The following SEL1L variants were observed in gnomAD, a reference collection of about 807,000 sequenced individuals.
SEL1L encodes protein sel-1 homolog 1.
In SEL1L, 52 loss-of-function variants were observed where a neutral mutation model predicts 109.8. The observed-to-expected ratio is 0.47, with a 90% CI of 0.38 to 0.60. The LOEUF is 0.60. Among genes scored for constraint, SEL1L ranks in the 20% least tolerant of loss-of-function variants. The pLI is 0.00. For missense variants in SEL1L, 749 were observed against 962.2 expected (o/e 0.78, Z 2.93); for synonymous variants, 373 against 339.6 (o/e 1.10, Z -1.08).
chr14:81,504,134 T>C (rs1884130878), intron 5 of SEL1L, 67 bp downstream of exon 5: 1 of 920,088 alleles, frequency 1.1e-6, no homozygotes, highest in African/African-American at 1.7e-5. Context: ...TTTTAAAGAA[T>C]GTAGTTGCTA....
intron 3 of SEL1L, among the ~76,000 whole-genome samples, chr14:81,507,282 G>C (rs1884277622): frequency 6.6e-6 from 1 of 152,156 alleles, no homozygotes; most frequent in South Asian, 2.1e-4. Context: ...AAAAAGTAAG[G>C]CTGGATGCAA....
intron 20 of SEL1L, among the ~76,000 whole-genome samples, chr14:81,478,394 T>C (rs1269404062): frequency 6.6e-6 from 1 of 152,096 alleles, no homozygotes; most frequent in South Asian, 2.1e-4. Context: ...TTATGGGGCG[T>C]TTTTACTGTC....
Position 81,497,953 on chromosome 14 carries a change from A to G in SEL1L, c.1067T>C (p.Leu356Pro). The G allele has an allele frequency of 1.2e-6, 2 of 1,614,110 alleles. No homozygotes were observed. The highest frequency in any genetic ancestry group is 1.7e-6 in the Non-Finnish European group (2 of 1,179,956). The part of the protein sequence containing the change: ...VENPGMNSGM[L>P]EEDLIQYYQF... The stretch of plus-strand genomic sequence containing the variant: ...GTAATATTGAATCAAATCTTCTTCT[A>G]GCATTCCACTGTTCATTCCTGGATT... The change falls in exon 10 of 21, where the codon CTA (leucine) becomes CCA (proline). Residue 356 changes from leucine (L) to proline (P), a missense_variant. Physicochemically the swap from Leu to Pro is moderately conservative, Grantham distance 98 (BLOSUM62 -3). This residue lies in a region of SEL1L where 383 missense variants were observed against 562.5 expected (regional missense o/e 0.68). Transcript: ENST00000336735.
At chr14:81,482,581 G>C (rs2139986214) in intron 19 of SEL1L, among the ~76,000 whole-genome samples, 1 of 152,252 alleles carries the variant, frequency 6.6e-6, no homozygotes, top group South Asian at 2.1e-4. Context: ...TGGATGACTG[G>C]TTTGACAATA....
At chr14:81,495,652 C>A (rs756620219) in intron 10 of SEL1L, among the ~76,000 whole-genome samples, 16 of 151,734 alleles carry the variant, frequency 1.1e-4, no homozygotes, top group Non-Finnish European at 2.2e-4. Context: ...AAACAAAAAA[C>A]GGGCTAGGCA....
intron 3 of SEL1L, among the ~76,000 whole-genome samples, chr14:81,508,117 C>T (rs1002823871): frequency 2.6e-5 from 4 of 152,078 alleles, no homozygotes; most frequent in African/African-American, 9.7e-5. Flanking sequence ...CATCCCTGCT[C>T]TGAAGGCTAG....
Position 81,484,272 on chromosome 14 carries a change from T to C in SEL1L, c.1999A>G (p.Met667Val). ...ASEQQHSAQAMFNLGYMHEKG... is the reference protein window; with the variant it reads ...ASEQQHSAQAVFNLGYMHEKG... ...TCATGCATATATCCCAGATTAAACA[T>C]AGCTTGTGCACTGTGTTGCTGCTCA... Residue 667 changes from methionine (M) to valine (V), a missense_variant, in exon 19 of 21, where the codon ATG (methionine) becomes GTG (valine). Transcript: ENST00000336735. 1 of 1,614,062 alleles carries C rather than the reference T, an allele frequency of 6.2e-7. No individual in the cohort carries two copies. Among genetic ancestry groups the C allele is most frequent in the Non-Finnish European group, 8.5e-7 (1 of 1,179,914 alleles).
chr14:81,471,955 T>G lies in SEL1L; in HGVS notation c.*5017A>C, dbSNP rs1244770811. On this transcript the variant is annotated 3_prime_UTR_variant, in exon 21 of 21. Coordinates refer to ENST00000336735, the MANE Select transcript of SEL1L (RefSeq NM_005065.6). ...CCCAAAAAGTAAAAACTTTCCTTTTTATTTTTCGTAGTTTCTACTACAGAA... is the reference window on the plus strand; with the variant it reads ...CCCAAAAAGTAAAAACTTTCCTTTTGATTTTTCGTAGTTTCTACTACAGAA... 6.6e-6 allele frequency: 1 copy of G among 152,240 alleles called. No homozygotes were observed. Among genetic ancestry groups the G allele is most frequent in the Non-Finnish European group, 1.5e-5 (1 of 68,040 alleles). 9.4% of individuals were successfully genotyped at this position (152,240 alleles called of 1,614,324 possible).
At chr14:81,497,834 C>G (rs751027746) in intron 10 of SEL1L, 58 bp downstream of exon 10, 61 of 1,513,394 alleles carry the variant, frequency 4.0e-5, no homozygotes, top group Non-Finnish European at 5.3e-5. Context: ...CTCCCGTCCC[C>G]CACAGATTAA....
chr14:81,533,749 C>T lies in SEL1L; in HGVS notation c.-5G>A, dbSNP rs947573854. 5 of 1,612,768 alleles carry T rather than the reference C, an allele frequency of 3.1e-6. No individual in the cohort carries two copies. In the African/African-American group the frequency reaches 5.3e-5, roughly 17 times the overall value. ...CAGCCCTATCCGGACCCGCATCCTC[C>T]TCTCGGGGCCGGTGCCAACCCCTAG... On this transcript the variant is annotated 5_prime_UTR_variant, in exon 1 of 21. Coordinates refer to ENST00000336735, the MANE Select transcript of SEL1L (RefSeq NM_005065.6).
Position 81,471,914 on chromosome 14 carries a change from T to C in SEL1L, c.*5058A>G, listed in dbSNP as rs1211156362. 2.0e-5 allele frequency: 3 copies of C among 152,242 alleles called. No homozygotes were observed. The East Asian group carries it at 5.8e-4, about 29-fold the overall frequency. 9.4% of individuals were successfully genotyped at this position (152,242 alleles called of 1,614,324 possible). On this transcript the variant is annotated 3_prime_UTR_variant, in exon 21 of 21. Coordinates refer to ENST00000336735, the MANE Select transcript of SEL1L (RefSeq NM_005065.6). ...GAACTGATTAACGCTCACTTTTTCTTATTCGTAAAAAAATACCCAAAAAGT... is the reference window on the plus strand; with the variant it reads ...GAACTGATTAACGCTCACTTTTTCTCATTCGTAAAAAAATACCCAAAAAGT...
At chr14:81,511,918 C>T (rs1884493171) in intron 3 of SEL1L, among the ~76,000 whole-genome samples, 1 of 152,170 alleles carries the variant, frequency 6.6e-6, no homozygotes, top group Non-Finnish European at 1.5e-5. Context: ...AGAAAAATGA[C>T]AGTTATCTTT....
At chr14:81,503,297 T>C (rs1313866718) in intron 5 of SEL1L, among the ~76,000 whole-genome samples, 2 of 152,214 alleles carry the variant, frequency 1.3e-5, no homozygotes, top group Non-Finnish European at 2.9e-5. Context: ...ATAATCTTAT[T>C]TCTATTCAGT....
chr14:81,526,922 C>T lies in SEL1L; in HGVS notation c.151G>A (p.Ala51Thr). The T allele has an allele frequency of 6.2e-7, 1 of 1,604,858 alleles. No individual in the cohort carries two copies. Among genetic ancestry groups the T allele is most frequent in the Non-Finnish European group, 8.5e-7 (1 of 1,176,722 alleles). ...SDESVKDHTT[A>T]GRVVAGQIFL... The stretch of plus-strand genomic sequence containing the variant: ...ATTTGACCAGCAACTACTCTGCCTG[C>T]AGTAGTATGGTCCTTTACTGACTCA... The change falls in exon 3 of 21, where the codon GCA becomes ACA. Residue 51 changes from alanine (A) to threonine (T), a missense_variant. Physicochemically the swap from Ala to Thr is moderately conservative, Grantham distance 58 (BLOSUM62 0). This residue lies in a region of SEL1L where 366 missense variants were observed against 399.8 expected (regional missense o/e 0.92). Coordinates refer to ENST00000336735, the MANE Select transcript of SEL1L (RefSeq NM_005065.6).
chr14:81,525,889 T>TA (rs907016114), intron 3 of SEL1L, among the ~76,000 whole-genome samples: 1 of 152,290 alleles, frequency 6.6e-6, no homozygotes, highest in African/African-American at 2.4e-5. Flanking sequence ...CTGATACACC[T>TA]AAAAAAATCC....
rs201458149 is a variant in SEL1L at position 81,527,694 on chromosome 14, T to C, written c.108+7A>G. ...AAATACTGGCCAATACACATTTTAG[T>C]ACATACCTTGGAATCTAAGGATTCA... is the stretch of plus-strand genomic sequence containing the variant. On this transcript the variant is annotated splice_region_variant and intron_variant, in intron 2 of 20. Coordinates refer to ENST00000336735, the MANE Select transcript of SEL1L (RefSeq NM_005065.6). 1.9e-6 allele frequency: 3 copies of C among 1,599,764 alleles called. No homozygotes were observed. The highest frequency in any genetic ancestry group is 2.6e-6 in the Non-Finnish European group (3 of 1,172,306).
intron 3 of SEL1L, among the ~76,000 whole-genome samples, chr14:81,510,423 T>C (rs1006534385): frequency 2.0e-5 from 3 of 150,546 alleles, no homozygotes; most frequent in Non-Finnish European, 2.9e-5. Flanking sequence ...TGCTTGAACA[T>C]TGAAGGAAAG....
chr14:81,495,794 G>C (rs1021647702), intron 10 of SEL1L, among the ~76,000 whole-genome samples: 1 of 151,930 alleles, frequency 6.6e-6, no homozygotes, highest in African/African-American at 2.4e-5. Flanking sequence ...AAAATTAGCT[G>C]GGTGTGGTGA....
chr14:81,527,777 G>A (rs1215826671), intron 1 of SEL1L, 39 bp from the exon 2 acceptor site: 2 of 1,418,144 alleles, frequency 1.4e-6, no homozygotes, highest in Non-Finnish European at 2.0e-6. Flanking sequence ...AATCTTTCTT[G>A]TTGGGAAATT....
Sources: allele counts gnomAD v4.1 joint callset (sites outside exome capture counted in the v4.1 genomes callset), GRCh38; gene constraint gnomAD v4.1.1; regional missense constraint gnomAD v4.1.1; transcripts MANE v1.5; gene names NCBI Gene and HGNC (gene_info 2026-07-23, HGNC 2026-07-21).